The following ZNF385D variants were observed in gnomAD, a reference collection of about 807,000 sequenced individuals.
ZNF385D encodes the protein zinc finger protein 385D, also known as zinc finger protein 659.
In ZNF385D, 15 loss-of-function variants were observed where a neutral mutation model predicts 35.8. The observed-to-expected ratio is 0.42, with a 90% CI of 0.28 to 0.64. The LOEUF (loss-of-function observed/expected upper bound fraction) is 0.64. ZNF385D is among the 30% of genes least tolerant of loss of function. The pLI, the probability that ZNF385D is intolerant of heterozygous loss-of-function variation, is 0.23. For synonymous variants in ZNF385D, 212 were observed against 186.8 expected (o/e 1.13, Z -1.10); for missense variants, 474 against 494.6 (o/e 0.96, Z 0.39).
intron 3 of ZNF385D, among the ~76,000 whole-genome samples, chr3:22,159,387 A>G (rs1269277009): frequency 6.6e-6 from 1 of 152,030 alleles, no homozygotes; most frequent in Non-Finnish European, 1.5e-5. Context: ...GTCATGAAAA[A>G]CTAGAGTATA....
rs554133669 is a variant in ZNF385D, at chr3:21,742,715, C to T, written c.22+8180G>A. ...TGGGCCCTGGCCTTCAGGAGTCTCT[C>T]TTGTGTTTCCATCTATAACTACCAG... is the stretch of plus-strand genomic sequence containing the variant. On this transcript the variant is annotated intron_variant, in intron 1 of 7. Transcript: ENST00000281523. Among the ~76,000 whole-genome samples, 17 of 152,316 alleles carry T rather than the reference C, an allele frequency of 1.1e-4. No individual in the cohort carries two copies. The East Asian group carries it at 2.3e-3, about 21-fold the overall frequency.
chr3:22,273,119 T>A (rs1197550000), intron 2 of ZNF385D, among the ~76,000 whole-genome samples: 1 of 151,982 alleles, frequency 6.6e-6, no homozygotes, highest in Non-Finnish European at 1.5e-5. Flanking sequence ...AGAATCATTT[T>A]ACAGAGTAAC....
intron 3 of ZNF385D, among the ~76,000 whole-genome samples, chr3:22,001,405 T>G (rs967681338): frequency 6.6e-6 from 1 of 151,952 alleles, no homozygotes; most frequent in African/African-American, 2.4e-5. Context: ...CATTATATAA[T>G]AATAAAGAGA....
chr3:21,608,023 G>GTTTTTTTTTGGGTTTTTT (rs1553622610), intron 2 of ZNF385D, among the ~76,000 whole-genome samples: 2 of 120,240 alleles, frequency 1.7e-5, no homozygotes, highest in East Asian at 2.6e-4. Flanking sequence ...TTTTTTTTTT[G>GTTTTTTTTTGGGTTTTTT]TTTTTTTTTT....
intron 3 of ZNF385D, among the ~76,000 whole-genome samples, chr3:21,816,436 G>A (rs1186921641): frequency 2.6e-5 from 4 of 152,120 alleles, no homozygotes; most frequent in South Asian, 2.1e-4. Context: ...AAACCCCATT[G>A]TCTCAGCCCA....
At chr3:21,597,072 G>GA (rs1216657443) in intron 2 of ZNF385D, among the ~76,000 whole-genome samples, 6 of 151,762 alleles carry the variant, frequency 4.0e-5, no homozygotes, top group African/African-American at 9.7e-5. Flanking sequence ...TTTTAGATTC[G>GA]AAAAAAATAC....
chr3:21,485,086 T>C (rs753990245), intron 4 of ZNF385D, among the ~76,000 whole-genome samples: 22 of 152,170 alleles, frequency 1.4e-4, no homozygotes, highest in Non-Finnish European at 2.4e-4. Context: ...TCATAATTAA[T>C]GCAGGAGAAA....
At chr3:22,273,987 T>C (rs538391171) in intron 2 of ZNF385D, among the ~76,000 whole-genome samples, 27 of 152,184 alleles carry the variant, frequency 1.8e-4, no homozygotes, top group Admixed American at 1.4e-3. Context: ...AAGTATATTC[T>C]GGTAGCATTT....
chr3:21,866,787 T>C (rs1408642772), intron 3 of ZNF385D, among the ~76,000 whole-genome samples: 3 of 152,188 alleles, frequency 2.0e-5, no homozygotes, highest in Non-Finnish European at 4.4e-5. Flanking sequence ...CGTGCTTTTA[T>C]CAATATATTC....
At chr3:21,638,881 A>C (rs893461600) in intron 2 of ZNF385D, among the ~76,000 whole-genome samples, 2 of 152,134 alleles carry the variant, frequency 1.3e-5, no homozygotes, top group African/African-American at 4.8e-5. Context: ...CCCTTTATCT[A>C]GAGAAATTTC....
chr3:21,755,069 AGTGT>A (rs1172937353), upstream of ZNF385D, among the ~76,000 whole-genome samples: 2 of 152,150 alleles, frequency 1.3e-5, no homozygotes, highest in African/African-American at 4.8e-5. Context: ...ACAGTTTGTG[AGTGT>A]GTTTGTCCTT....
intron 2 of ZNF385D, among the ~76,000 whole-genome samples, chr3:21,632,426 G>A (rs1369879560): frequency 6.6e-6 from 1 of 152,012 alleles, no homozygotes; most frequent in Non-Finnish European, 1.5e-5. Context: ...TTCATTTACT[G>A]AGTCTATATC....
intron 3 of ZNF385D, among the ~76,000 whole-genome samples, chr3:21,872,282 G>A (rs190641187): frequency 1.1e-4 from 17 of 152,228 alleles, no homozygotes; most frequent in Admixed American, 1.0e-3. Context: ...TTCCATTTGA[G>A]CATGTTTGAA....
chr3:21,772,688 G>C (rs567492007), intron 3 of ZNF385D, among the ~76,000 whole-genome samples: 1 of 151,952 alleles, frequency 6.6e-6, no homozygotes, highest in South Asian at 2.1e-4. Flanking sequence ...CCATATGATT[G>C]AGCAATTTCA....
chr3:22,002,117 A>G (rs1695877074), intron 3 of ZNF385D, among the ~76,000 whole-genome samples: 1 of 100,550 alleles, frequency 9.9e-6, no homozygotes, highest in Non-Finnish European at 1.9e-5. Context: ...CAAAATAAAG[A>G]CTTAAAAAAA....
At chr3:21,669,909 G>T (rs923554372) in intron 1 of ZNF385D, among the ~76,000 whole-genome samples, 1 of 152,164 alleles carries the variant, frequency 6.6e-6, no homozygotes, top group Middle Eastern at 3.4e-3. Flanking sequence ...TGAGAGTGCG[G>T]TGGTTTTCTC....
chr3:22,149,858 T>C (rs957925855), intron 3 of ZNF385D, among the ~76,000 whole-genome samples: 1 of 152,160 alleles, frequency 6.6e-6, no homozygotes, highest in African/African-American at 2.4e-5. Context: ...TTTGATGTTA[T>C]CAGTGCTAAG....
intron 3 of ZNF385D, among the ~76,000 whole-genome samples, chr3:21,927,204 C>T (rs1298846047): frequency 6.6e-6 from 1 of 152,106 alleles, no homozygotes; most frequent in African/African-American, 2.4e-5. Flanking sequence ...TCCCTGAAGT[C>T]CTCACCAGAA....
At position 21,759,001 on chromosome 3, in the gene ZNF385D, A is replaced by AAC. The variant is rs1553654579; in HGVS notation, c.326-93974_326-93973insGT. 9.1e-4 allele frequency among the ~76,000 whole-genome samples: 121 copies of AAC among 133,208 alleles called. 5 individuals carry two copies. The highest frequency in any genetic ancestry group is 3.8e-3 in the Middle Eastern group (1 of 260). 87.4% of individuals were successfully genotyped at this position (133,208 alleles called of 152,430 possible). On this transcript the variant is annotated intron_variant, in intron 3 of 5. Coordinates refer to the ZNF385D transcript ENST00000494108. ...AAAAAAAAAAAAAAAAAAAAAAAAAAAAAAACAGTGGTGATGCTATTGTAA... is the reference window on the plus strand; with the variant it reads ...AAAAAAAAAAAAAAAAAAAAAAAAAAACAAAAACAGTGGTGATGCTATTGTAA...
Sources: allele counts gnomAD v4.1 joint callset (sites outside exome capture counted in the v4.1 genomes callset), GRCh38; gene constraint gnomAD v4.1.1; transcripts MANE v1.5; gene names NCBI Gene and HGNC (gene_info 2026-07-23, HGNC 2026-07-21).